The following STK40 variants were observed in gnomAD, a reference collection of about 807,000 sequenced individuals.
STK40 encodes serine/threonine kinase 40.
Under a neutral mutation model 47.9 loss-of-function variants are expected in STK40, and 13 were observed. The ratio of observed to expected loss-of-function variants is 0.27; its 90% confidence interval spans 0.18 to 0.43. The LOEUF (loss-of-function observed/expected upper bound fraction) is 0.43, where lower values mean the gene tolerates loss of function less well. STK40 is among the 20% of genes least tolerant of loss of function. STK40 has a pLI of 1.00. For missense variants in STK40, 460 were observed against 595.1 expected (o/e 0.77, Z 2.36); for synonymous variants, 225 against 243.2 (o/e 0.93, Z 0.69).
At chr1:36,369,049 C>T (rs1646923882) in intron 1 of STK40, among the ~76,000 whole-genome samples, 1 of 152,192 alleles carries the variant, frequency 6.6e-6, no homozygotes, top group Admixed American at 6.5e-5. Flanking sequence ...ACACAGCCCA[C>T]AGTGGCAGAA....
chr1:36,344,061 C>T (rs1646678126), intron 8 of STK40, 59 bp downstream of exon 8: 2 of 1,590,150 alleles, frequency 1.3e-6, no homozygotes, highest in Admixed American at 3.4e-5. Flanking sequence ...TGTGCCGTTT[C>T]CCTGCCTTAA....
intron 1 of STK40, among the ~76,000 whole-genome samples, chr1:36,361,628 G>A (rs981484926): frequency 6.6e-6 from 1 of 152,164 alleles, no homozygotes; most frequent in African/African-American, 2.4e-5. Flanking sequence ...AATTCAGAGA[G>A]GAGAAAACTG....
Position 36,370,017 on chromosome 1 carries a change from G to C in STK40, c.-8-8677C>G, listed in dbSNP as rs1002826182. ...CAGATGGTCAGACTAGCCAGTATCT[G>C]CCAAGTCATGGCTGGAGACAGGGTG... On this transcript the variant is annotated intron_variant, in intron 1 of 10. Coordinates refer to ENST00000373132, the MANE Select transcript of STK40 (RefSeq NM_001282547.2). Among the ~76,000 whole-genome samples the C allele has an allele frequency of 2.6e-5, 4 of 152,350 alleles. No individual in the cohort carries two copies. In the South Asian group the frequency reaches 6.2e-4, roughly 24 times the overall value.
At chr1:36,356,162 T>A (rs1016814960) in intron 4 of STK40, among the ~76,000 whole-genome samples, 2 of 152,074 alleles carry the variant, frequency 1.3e-5, no homozygotes, top group Admixed American at 1.3e-4. Flanking sequence ...AATAAGACAA[T>A]CCATGTCCTG....
chr1:36,376,001 A>G (rs1188369942), intron 1 of STK40, among the ~76,000 whole-genome samples: 2 of 152,128 alleles, frequency 1.3e-5, no homozygotes. Flanking sequence ...CAGCCTGGGC[A>G]ACAAGAGCAA....
chr1:36,341,547 TA>T lies in STK40; in HGVS notation c.*207del. The stretch of plus-strand genomic sequence containing the variant: ...ATTAGTTATCTAGGCTTCTCAGATT[TA>T]AAAACCAAACAATCGAGCAATCATC... On this transcript the variant is annotated 3_prime_UTR_variant, in exon 11 of 11. Coordinates refer to ENST00000373132, the MANE Select transcript of STK40 (RefSeq NM_001282547.2). The T allele has an allele frequency of 1.7e-6, 1 of 601,496 alleles. No homozygotes were observed. Among genetic ancestry groups the T allele is most frequent in the Non-Finnish European group, 2.9e-6 (1 of 341,254 alleles). The allele number at this position is 601,496 out of a possible 1,614,324, so 37.3% of individuals were successfully genotyped here.
At chr1:36,344,947 C>T (rs1646687301) in intron 7 of STK40, among the ~76,000 whole-genome samples, 2 of 152,280 alleles carry the variant, frequency 1.3e-5, no homozygotes. Flanking sequence ...CTGTGCTCCA[C>T]AGCTTGAGGA....
At chr1:36,373,563 C>G (rs1646967711) in intron 1 of STK40, among the ~76,000 whole-genome samples, 1 of 152,126 alleles carries the variant, frequency 6.6e-6, no homozygotes. Context: ...TCCTTAGGAA[C>G]CCATTGGAAG....
chr1:36,341,660 G>C lies in STK40; in HGVS notation c.*95C>G, dbSNP rs1163946147. 3 of 1,470,346 alleles carry C rather than the reference G, an allele frequency of 2.0e-6. No homozygotes were observed. The Admixed American group carries it at 5.5e-5, about 27-fold the overall frequency. The allele number at this position is 1,470,346 out of a possible 1,614,324, so 91.1% of individuals were successfully genotyped here. On this transcript the variant is annotated 3_prime_UTR_variant, in exon 11 of 11. Transcript: ENST00000373132. ...CTGCCCTGTCCCTATTGTGGCCCGG[G>C]AGAGTCCAGCACTACAGGGCCCAGC...
At chr1:36,380,915 C>A (rs1647034622) in intron 1 of STK40, among the ~76,000 whole-genome samples, 1 of 152,192 alleles carries the variant, frequency 6.6e-6, no homozygotes, top group South Asian at 2.1e-4. Context: ...CTGAACGAAG[C>A]TGGCAGATTT....
intron 1 of STK40, among the ~76,000 whole-genome samples, chr1:36,383,348 G>A (rs929716048): frequency 2.0e-5 from 3 of 152,270 alleles, no homozygotes; most frequent in African/African-American, 7.2e-5. Flanking sequence ...TTCTGAGAGG[G>A]CAGTCTTATC....
At chr1:36,369,588 T>C (rs1225752331) in intron 1 of STK40, among the ~76,000 whole-genome samples, 2 of 152,176 alleles carry the variant, frequency 1.3e-5, no homozygotes, top group Non-Finnish European at 2.9e-5. Context: ...CCTTCTCCCT[T>C]GGTCCTCACT....
At chr1:36,342,838 T>A (rs1025896071) in intron 10 of STK40, 12 of 290,982 alleles carry the variant, frequency 4.1e-5, no homozygotes, top group African/African-American at 2.7e-4. Flanking sequence ...CCTTCCAATA[T>A]CCAGGGCCCA....
intron 10 of STK40, 103 bp from the exon 11 acceptor site, chr1:36,342,076 G>A (rs1646654475): frequency 8.9e-7 from 1 of 1,125,476 alleles, no homozygotes; most frequent in Non-Finnish European, 1.3e-6. Flanking sequence ...GGCTCCTGCA[G>A]TCACCCTTCC....
At position 36,358,375 on chromosome 1, in the gene STK40, G is replaced by T; in HGVS notation, c.206C>A (p.Thr69Asn). ...GCCTTGGTCCCCCCTCTCCTCCAGGGTCAGGATCTTTAGGAAAGCATAAAA... is the reference window on the plus strand; with the variant it reads ...GCCTTGGTCCCCCCTCTCCTCCAGGTTCAGGATCTTTAGGAAAGCATAAAA... ...TDDFYQLKILTLEERGDQGIE... is the reference protein window; with the variant it reads ...TDDFYQLKILNLEERGDQGIE... Residue 69 changes from threonine (T) to asparagine (N), a missense_variant, in exon 4 of 11, where the codon ACC (threonine) becomes AAC (asparagine). Physicochemically the swap from Thr to Asn is moderately conservative, Grantham distance 65. Coordinates refer to ENST00000373132, the MANE Select transcript of STK40 (RefSeq NM_001282547.2). 6.3e-7 allele frequency: 1 copy of T among 1,596,216 alleles called. No individual in the cohort carries two copies. Among genetic ancestry groups the T allele is most frequent in the Non-Finnish European group, 8.6e-7 (1 of 1,166,032 alleles).
intron 1 of STK40, among the ~76,000 whole-genome samples, chr1:36,376,964 G>A (rs1646997513): frequency 6.6e-6 from 1 of 151,740 alleles, no homozygotes; most frequent in African/African-American, 2.4e-5. Flanking sequence ...GTAGAGACGG[G>A]GTTTCACCAT....
At chr1:36,376,615 T>C (rs1646994412) in intron 1 of STK40, among the ~76,000 whole-genome samples, 1 of 152,108 alleles carries the variant, frequency 6.6e-6, no homozygotes, top group Non-Finnish European at 1.5e-5. Context: ...AGAGGACTGG[T>C]TAACTAATTA....
chr1:36,352,282 T>C (rs1264828570), intron 6 of STK40, among the ~76,000 whole-genome samples: 1 of 152,226 alleles, frequency 6.6e-6, no homozygotes, highest in Admixed American at 6.5e-5. Flanking sequence ...TCTCCAGTCC[T>C]GGCTACATTA....
chr1:36,346,285 C>T (rs542091153), intron 7 of STK40, among the ~76,000 whole-genome samples: 5 of 152,202 alleles, frequency 3.3e-5, no homozygotes, highest in East Asian at 1.9e-4. Context: ...TGAGCCACCG[C>T]GCCTGGCTGG....
Sources: allele counts gnomAD v4.1 joint callset (sites outside exome capture counted in the v4.1 genomes callset), GRCh38; gene constraint gnomAD v4.1.1; transcripts MANE v1.5; gene names NCBI Gene and HGNC (gene_info 2026-07-23, HGNC 2026-07-21).